The following PARK7 variants were observed in gnomAD, a reference collection of about 807,000 sequenced individuals.
The protein encoded by PARK7 is Parkinson disease protein 7.
In PARK7, 14 loss-of-function variants were observed where a neutral mutation model predicts 20.5. The ratio of observed to expected loss-of-function variants is 0.68; its 90% confidence interval spans 0.45 to 1.07. PARK7 has a LOEUF of 1.07. Among genes scored for constraint, PARK7 ranks in the 50% least tolerant of loss-of-function variants. The pLI is 0.00. For synonymous variants in PARK7, 98 were observed against 84.3 expected, an observed-to-expected ratio of 1.16 and a Z score of -0.89; for missense variants, 234 against 238.1, an observed-to-expected ratio of 0.98 and a Z score of 0.11.
chr1:7,961,838 G>A (rs2151426516), intron 1 of PARK7, 45 bp downstream of exon 1: 1 of 152,706 alleles, frequency 6.5e-6, no homozygotes, highest in Non-Finnish European at 1.5e-5. Context: ...CCGTGGCGCT[G>A]GGCGGCGTGG....
intron 6 of PARK7, among the ~76,000 whole-genome samples, chr1:7,980,185 T>G (rs1640682093): frequency 6.6e-6 from 1 of 151,386 alleles, no homozygotes; most frequent in Non-Finnish European, 1.5e-5. Context: ...AAATTGGTAC[T>G]TTTTAATAAA....
At position 7,985,114 on chromosome 1, in the gene PARK7, G is replaced by T; in HGVS notation, c.*60G>T. 1 of 1,582,100 alleles carries T rather than the reference G, an allele frequency of 6.3e-7. No homozygotes were observed. The stretch of plus-strand genomic sequence containing the variant: ...GCCGTTAGGAATCCATTCTCACTGT[G>T]TTCGCTCTAAACAAAACAGTGGTAG... On this transcript the variant is annotated 3_prime_UTR_variant, in exon 7 of 7. Transcript: ENST00000338639.
intron 6 of PARK7, among the ~76,000 whole-genome samples, chr1:7,978,843 T>A (rs1230202721): frequency 9.3e-4 from 64 of 68,962 alleles, no homozygotes; most frequent in Admixed American, 3.7e-3. Context: ...CAAGACCCTA[T>A]CAAAAAAAAA....
chr1:7,984,991 T>C lies in PARK7; in HGVS notation c.507T>C (p.Val169=), dbSNP rs368818999. The change falls in exon 7 of 7, where the codon GTT becomes GTC. Residue 169 remains valine (V), a synonymous_variant. Coordinates refer to ENST00000338639, the MANE Select transcript of PARK7 (RefSeq NM_007262.5). This position sits in a 1 kb window ranked among gnomAD's most constrained non-coding sequence, Gnocchi z 4.3. ...GTSFEFALAI[V]EALNGKEVAA... is the part of the protein sequence containing the mutation. ...GCTTCGAGTTTGCGCTTGCAATTGT[T>C]GAAGCCCTGAATGGCAAGGAGGTGG... The C allele has an allele frequency of 6.2e-7, 1 of 1,614,222 alleles. No individual in the cohort carries two copies.
chr1:7,967,218 TC>T (rs755534287), intron 3 of PARK7, among the ~76,000 whole-genome samples: 6 of 152,242 alleles, frequency 3.9e-5, no homozygotes, highest in Non-Finnish European at 7.3e-5. Context: ...GTTCTCTAGT[TC>T]CATTCTTGTA....
At chr1:7,977,759 G>C in intron 6 of PARK7, 21 bp downstream of exon 6, 1 of 1,593,180 alleles carries the variant, frequency 6.3e-7, no homozygotes, top group Non-Finnish European at 8.6e-7. Flanking sequence ...GCTTGTTTTT[G>C]TTTGTTTGTT....
chr1:7,978,953 C>A (rs373202415), intron 6 of PARK7, among the ~76,000 whole-genome samples: 15 of 150,328 alleles, frequency 1.0e-4, no homozygotes, highest in Admixed American at 3.3e-4. Flanking sequence ...ATGTATTGTT[C>A]TGCAGCTTGC....
chr1:7,973,922 AAAATC>A (rs899827699), intron 5 of PARK7, among the ~76,000 whole-genome samples: 1 of 149,906 alleles, frequency 6.7e-6, no homozygotes, highest in African/African-American at 2.4e-5. Flanking sequence ...AAAAAAAAAA[AAAATC>A]AACCACATTT....
chr1:7,981,154 GC>G (rs1347387020), intron 6 of PARK7, among the ~76,000 whole-genome samples: 1 of 152,170 alleles, frequency 6.6e-6, no homozygotes, highest in East Asian at 1.9e-4. Flanking sequence ...CTGGAGCCTG[GC>G]ATCGTGGGGT....
At chr1:7,978,844 C>CA (rs368607562) in intron 6 of PARK7, among the ~76,000 whole-genome samples, 5,508 of 106,798 alleles carry the variant, frequency 0.052, 434 homozygotes, top group African/African-American at 0.18. Context: ...AAGACCCTAT[C>CA]AAAAAAAAAA....
Position 7,962,869 on chromosome 1 carries a change from A to G in PARK7, c.84A>G (p.Arg28=). 6.2e-7 allele frequency: 1 copy of G among 1,612,820 alleles called. No individual in the cohort carries two copies. The highest frequency in any genetic ancestry group is 1.1e-5 in the South Asian group (1 of 91,056). Residue 28 remains arginine (R), a synonymous_variant, in exon 2 of 7, where the codon CGA becomes CGG. Transcript: ENST00000338639. ...TCATCCCTGTAGATGTCATGAGGCG[A>G]GCTGGGGTAAGTCCCACATCGATTT... ...ETVIPVDVMR[R]AGIKVTVAGL...
At chr1:7,982,247 A>G (rs1183960600) in intron 6 of PARK7, among the ~76,000 whole-genome samples, 2 of 150,486 alleles carry the variant, frequency 1.3e-5, no homozygotes, top group South Asian at 2.1e-4. Flanking sequence ...TTGGCGTCCC[A>G]GAGTGTTGGA....
Position 7,985,123 on chromosome 1 carries a change from A to G in PARK7, c.*69A>G. The G allele has an allele frequency of 1.3e-6, 2 of 1,569,944 alleles. No homozygotes were observed. The highest frequency in any genetic ancestry group is 1.7e-6 in the Non-Finnish European group (2 of 1,158,780). ...AATCCATTCTCACTGTGTTCGCTCT[A>G]AACAAAACAGTGGTAGGTTAATGTG... On this transcript the variant is annotated 3_prime_UTR_variant, in exon 7 of 7. Transcript: ENST00000338639.
At chr1:7,965,080 T>G (rs972650564) in intron 2 of PARK7, among the ~76,000 whole-genome samples, 1 of 152,144 alleles carries the variant, frequency 6.6e-6, no homozygotes, top group Non-Finnish European at 1.5e-5. Context: ...AGGGCAGCTG[T>G]GTAAACGTTA....
Position 7,984,971 on chromosome 1 carries a change from G to A in PARK7, c.487G>A (p.Glu163Lys), listed in dbSNP as rs74315354. ...AAGCCGGGGGCCTGGGACCAGCTTCGAGTTTGCGCTTGCAATTGTTGAAGC... is the reference window on the plus strand; with the variant it reads ...AAGCCGGGGGCCTGGGACCAGCTTCAAGTTTGCGCTTGCAATTGTTGAAGC... ...LTSRGPGTSF[E>K]FALAIVEALN... The change falls in exon 7 of 7, where the codon GAG becomes AAG. Residue 163 changes from glutamate to lysine, a missense_variant. By Grantham distance (56) the Glu-to-Lys change is moderately conservative. Coordinates refer to ENST00000338639, the MANE Select transcript of PARK7 (RefSeq NM_007262.5). The surrounding 1 kb of genome is among the most constrained non-coding windows in gnomAD (Gnocchi z 4.3). 7 of 1,614,104 alleles carry A rather than the reference G, an allele frequency of 4.3e-6. No homozygotes were observed. Among genetic ancestry groups the A allele is most frequent in the South Asian group, 1.1e-5 (1 of 91,092 alleles).
intron 6 of PARK7, among the ~76,000 whole-genome samples, chr1:7,979,524 A>G (rs1225846020): frequency 6.6e-6 from 1 of 152,170 alleles, no homozygotes; most frequent in Non-Finnish European, 1.5e-5. Flanking sequence ...TATTTGAGAC[A>G]GAGGCTTGCT....
intron 3 of PARK7, among the ~76,000 whole-genome samples, chr1:7,967,989 AT>A (rs1025979412): frequency 4.6e-5 from 7 of 151,944 alleles, no homozygotes; most frequent in Non-Finnish European, 7.4e-5. Flanking sequence ...TAATGACTAG[AT>A]TTTTTTTAAC....
intron 6 of PARK7, among the ~76,000 whole-genome samples, chr1:7,979,059 G>C (rs192253605): frequency 6.6e-6 from 1 of 152,208 alleles, no homozygotes; most frequent in Non-Finnish European, 1.5e-5. Context: ...TGCTAGTCCA[G>C]TGTTGGAATG....
chr1:7,963,352 A>C (rs1640251686), intron 2 of PARK7, among the ~76,000 whole-genome samples: 1 of 149,998 alleles, frequency 6.7e-6, no homozygotes. Context: ...GGCGTGAGCC[A>C]CTGCACTGTC....
Sources: allele counts gnomAD v4.1 joint callset (sites outside exome capture counted in the v4.1 genomes callset), GRCh38; gene constraint gnomAD v4.1.1; non-coding constraint Gnocchi (gnomAD v3.1); transcripts MANE v1.5; gene names NCBI Gene and HGNC (gene_info 2026-07-23, HGNC 2026-07-21).